The following TMEM132D variants were observed in gnomAD, a reference collection of about 807,000 sequenced individuals.
TMEM132D encodes the protein transmembrane protein 132D, also known as mature OL transmembrane protein.
In TMEM132D, 21 loss-of-function variants were observed where a neutral mutation model predicts 62.3. That is an observed-to-expected ratio of 0.34 (90% CI 0.24 to 0.49). TMEM132D has a LOEUF of 0.49. TMEM132D is among the 20% of genes least tolerant of loss of function. TMEM132D has a pLI of 0.99. For missense variants in TMEM132D, 1,346 were observed against 1,402.8 expected (o/e 0.96, Z 0.65); for synonymous variants, 621 against 575.6 (o/e 1.08, Z -1.13).
chr12:129,755,877 C>G (rs1047989275), intron 1 of TMEM132D, among the ~76,000 whole-genome samples: 2 of 152,142 alleles, frequency 1.3e-5, no homozygotes, highest in African/African-American at 4.8e-5. Context: ...TCTGGTCATG[C>G]CCACCCTATC....
intron 3 of TMEM132D, among the ~76,000 whole-genome samples, chr12:129,340,211 C>T (rs1051990737): frequency 6.6e-6 from 1 of 152,084 alleles, no homozygotes; most frequent in Non-Finnish European, 1.5e-5. Context: ...TCTTTAGATC[C>T]CTTTCCCAGC....
intron 2 of TMEM132D, among the ~76,000 whole-genome samples, chr12:129,599,566 G>T (rs999561507): frequency 6.6e-6 from 1 of 152,136 alleles, no homozygotes; most frequent in African/African-American, 2.4e-5. Context: ...TGACTGTCAT[G>T]AATCAGTGGG....
At chr12:129,298,957 G>T (rs1206897993) in intron 4 of TMEM132D, among the ~76,000 whole-genome samples, 1 of 152,186 alleles carries the variant, frequency 6.6e-6, no homozygotes, top group Non-Finnish European at 1.5e-5. Context: ...AAGGGCTTTT[G>T]CCATTCAAAA....
chr12:129,186,366 T>C (rs1053310607), intron 5 of TMEM132D, among the ~76,000 whole-genome samples: 6 of 152,196 alleles, frequency 3.9e-5, no homozygotes, highest in Admixed American at 6.5e-5. Context: ...ACTCTGACTG[T>C]CATCCCTCCC....
intron 5 of TMEM132D, among the ~76,000 whole-genome samples, chr12:129,121,193 TC>T (rs1308943431): frequency 1.3e-5 from 2 of 152,190 alleles, no homozygotes; most frequent in Non-Finnish European, 2.9e-5. Flanking sequence ...CCTCCTGAGT[TC>T]AAGCGATTCT....
At chr12:129,679,773 T>C (rs887454561) in intron 2 of TMEM132D, among the ~76,000 whole-genome samples, 2 of 152,118 alleles carry the variant, frequency 1.3e-5, no homozygotes, top group African/African-American at 4.8e-5. Flanking sequence ...TAAATTTATA[T>C]TTTAAAAAAA....
intron 3 of TMEM132D, among the ~76,000 whole-genome samples, chr12:129,513,804 T>TTTTATTTA (rs201593908): frequency 0.028 from 3,731 of 134,036 alleles, 72 homozygotes; most frequent in Non-Finnish European, 0.035. Flanking sequence ...CAATTTTTAT[T>TTTTATTTA]TTTATTTATT....
Position 129,073,797 on chromosome 12 carries a change from T to G in TMEM132D, c.*78A>C, listed in dbSNP as rs918356810. On this transcript the variant is annotated 3_prime_UTR_variant, in exon 9 of 9. Transcript: ENST00000422113. ...TTTTGTCCTGCTGCTTTGTTTCTCT[T>G]CCGGGGGCACCGTTGCTACACATCC... 7.7e-7 allele frequency: 1 copy of G among 1,298,236 alleles called. No homozygotes were observed. The highest frequency in any genetic ancestry group is 1.5e-5 in the African/African-American group (1 of 67,412). The allele number at this position is 1,298,236 out of a possible 1,614,324, so 80.4% of individuals were successfully genotyped here. A position where few individuals can be genotyped will look rare whatever the true frequency, so the allele number is the denominator to read the frequency against.
intron 5 of TMEM132D, among the ~76,000 whole-genome samples, chr12:129,127,856 C>G (rs1876262172): frequency 1.3e-5 from 2 of 152,248 alleles, no homozygotes; most frequent in African/African-American, 4.8e-5. Flanking sequence ...GCACTGGTTA[C>G]TGCCAGGGCC....
chr12:129,253,794 T>C (rs1048766459), intron 4 of TMEM132D, among the ~76,000 whole-genome samples: 10 of 152,148 alleles, frequency 6.6e-5, no homozygotes, highest in African/African-American at 2.4e-4. Flanking sequence ...CCTAACTCAG[T>C]GGATGCACTT....
chr12:129,685,241 C>A (rs535178431), intron 2 of TMEM132D, among the ~76,000 whole-genome samples: 32 of 152,292 alleles, frequency 2.1e-4, no homozygotes, highest in African/African-American at 7.7e-4. Flanking sequence ...AGTAGCCCTT[C>A]TGATCACATA....
chr12:129,313,170 T>A (rs1314764812), intron 4 of TMEM132D, among the ~76,000 whole-genome samples: 1 of 150,934 alleles, frequency 6.6e-6, no homozygotes, highest in Non-Finnish European at 1.5e-5. Context: ...CATTTTATTT[T>A]ATATTTTATT....
At chr12:129,703,380 A>G (rs1593127149) in intron 1 of TMEM132D, among the ~76,000 whole-genome samples, 1 of 152,134 alleles carries the variant, frequency 6.6e-6, no homozygotes, top group Non-Finnish European at 1.5e-5. Flanking sequence ...CAAATGGTCT[A>G]TTAGTCATTT....
At chr12:129,775,764 G>A in intron 1 of TMEM132D, among the ~76,000 whole-genome samples, 1 of 152,146 alleles carries the variant, frequency 6.6e-6, no homozygotes, top group Non-Finnish European at 1.5e-5. Flanking sequence ...TGTCCCCACA[G>A]ATCAGCACCT....
Position 129,118,035 on chromosome 12 carries a change from C to A in TMEM132D, c.1444-33333G>T, listed in dbSNP as rs530207407. On this transcript the variant is annotated intron_variant, in intron 5 of 8. Transcript: ENST00000422113. ...CTGTTGCTACTGGTATTTTGTGCAT[C>A]TGCCCAGAGAGAGTCTATGCATATA... Among the ~76,000 whole-genome samples, 3 of 152,300 alleles carry A rather than the reference C, an allele frequency of 2.0e-5. No individual in the cohort carries two copies. The East Asian group carries it at 5.8e-4, about 29-fold the overall frequency.
chr12:129,179,620 G>A lies in TMEM132D; in HGVS notation c.1443+29900C>T, dbSNP rs930492088. On this transcript the variant is annotated intron_variant, in intron 5 of 8. Transcript: ENST00000422113. Reference sequence around the variant, plus strand: ...ACTCACAACGAACCACAAAATTCACGGACTTTTCTACTTTTCAGTGCTCAC... The same window carrying A: ...ACTCACAACGAACCACAAAATTCACAGACTTTTCTACTTTTCAGTGCTCAC... Among the ~76,000 whole-genome samples, 3 of 152,120 alleles carry A rather than the reference G, an allele frequency of 2.0e-5. 1 individual carries two copies. Among genetic ancestry groups the A allele is most frequent in the South Asian group, 4.1e-4 (2 of 4,830 alleles).
intron 2 of TMEM132D, among the ~76,000 whole-genome samples, chr12:129,642,327 T>C (rs1277552605): frequency 1.3e-5 from 2 of 152,256 alleles, no homozygotes; most frequent in Non-Finnish European, 2.9e-5. Context: ...TGCAATGTTA[T>C]GATAGGGTTA....
At chr12:129,276,837 C>T (rs1015541037) in intron 4 of TMEM132D, among the ~76,000 whole-genome samples, 2 of 152,194 alleles carry the variant, frequency 1.3e-5, no homozygotes, top group Admixed American at 6.5e-5. Flanking sequence ...CAAGGCCAAA[C>T]GGATTTATTG....
At chr12:129,499,499 A>G (rs1566089186) in intron 3 of TMEM132D, among the ~76,000 whole-genome samples, 1 of 152,232 alleles carries the variant, frequency 6.6e-6, no homozygotes, top group Non-Finnish European at 1.5e-5. Flanking sequence ...ATAAATGATG[A>G]CACAGGCAAG....
Sources: gnomAD v4.1 joint callset for allele counts (sites outside exome capture counted in the v4.1 genomes callset) on GRCh38, gnomAD v4.1.1 for gene constraint, MANE v1.5 for transcripts, NCBI Gene and HGNC (gene_info 2026-07-23, HGNC 2026-07-21) for gene names.